Variants in DST observed in about 807,000 individuals in gnomAD.
The protein encoded by DST is dystonin, also known as bullous pemphigoid antigen.
DST carries 253 observed loss-of-function variants against 875.2 expected under a neutral mutation model. The observed-to-expected ratio is 0.29, with a 90% CI of 0.26 to 0.32. DST has a LOEUF of 0.32. DST is among the 10% of genes least tolerant of loss of function. The pLI is 1.00. For missense variants in DST, 8,287 were observed against 9,111.6 expected, an observed-to-expected ratio of 0.91 and a Z score of 3.68; for synonymous variants, 3,124 against 3,197.1, an observed-to-expected ratio of 0.98 and a Z score of 0.77.
intron 24 of DST, among the ~76,000 whole-genome samples, chr6:56,635,337 A>G (rs1312428566): frequency 6.6e-6 from 1 of 152,136 alleles, no homozygotes; most frequent in African/African-American, 2.4e-5. Flanking sequence ...TGCAAAATGA[A>G]TAACTAAACA....
At chr6:56,628,603 G>C (rs536386455) in intron 32 of DST, among the ~76,000 whole-genome samples, 34 of 152,210 alleles carry the variant, frequency 2.2e-4, no homozygotes, top group African/African-American at 7.7e-4. Context: ...CTGTCTCTAT[G>C]ATTTAAAAAA....
At chr6:56,620,685 C>T in intron 36 of DST, 1 of 1,614,090 alleles carries the variant, frequency 6.2e-7, no homozygotes, top group Non-Finnish European at 8.5e-7. Flanking sequence ...GAATATGCCC[C>T]ATGTTCAGAA....
intron 78 of DST, among the ~76,000 whole-genome samples, chr6:56,502,253 A>G (rs116343365): frequency 0.025 from 3,846 of 152,226 alleles, 74 homozygotes; most frequent in Non-Finnish European, 0.043. Flanking sequence ...ATAGTTAATC[A>G]TCTTGGCTTT....
At position 56,482,197 on chromosome 6, in the gene DST, A is replaced by G; in HGVS notation, c.21403-19T>C. 1 of 1,603,524 alleles carries G rather than the reference A, an allele frequency of 6.2e-7. No individual in the cohort carries two copies. The highest frequency in any genetic ancestry group is 8.5e-7 in the Non-Finnish European group (1 of 1,172,592). On this transcript the variant is annotated intron_variant, in intron 89 of 103. Transcript: ENST00000680361. ...CCTCTGCCTAAGAGTTCACACACAC[A>G]CACACCCCAAACAAAATTCCCAAAT...
chr6:56,678,448 C>T (rs2099141092), intron 9 of DST, among the ~76,000 whole-genome samples: 1 of 152,290 alleles, frequency 6.6e-6, no homozygotes, highest in Non-Finnish European at 1.5e-5. Flanking sequence ...GAGGAAGAAA[C>T]ATAATTTTTT....
chr6:56,821,048 G>A lies in DST; in HGVS notation c.625+30349C>T, dbSNP rs199888382. On this transcript the variant is annotated intron_variant, in intron 4 of 103. Transcript: ENST00000680361. ...TAATCTGCCATGCTTCAATATGGAGGCCACCTTAAGGAGATAAAAGCTAAG... is the reference window on the plus strand; with the variant it reads ...TAATCTGCCATGCTTCAATATGGAGACCACCTTAAGGAGATAAAAGCTAAG... 7.2e-5 allele frequency among the ~76,000 whole-genome samples: 11 copies of A among 152,294 alleles called. No homozygotes were observed. The East Asian group carries it at 2.1e-3, about 29-fold the overall frequency.
Position 56,704,743 on chromosome 6 carries a change from T to C in DST, c.688-374A>G, listed in dbSNP as rs143682244. 4.6e-5 allele frequency among the ~76,000 whole-genome samples: 7 copies of C among 152,334 alleles called. No individual in the cohort carries two copies. In the East Asian group the frequency reaches 1.3e-3, roughly 29 times the overall value. On this transcript the variant is annotated intron_variant, in intron 5 of 103. Transcript: ENST00000680361. ...GAGGGTGGAGTTTTCACCCCCGCAGTTGATCTTCTACTTCTAGCCTAAAAC... is the reference window on the plus strand; with the variant it reads ...GAGGGTGGAGTTTTCACCCCCGCAGCTGATCTTCTACTTCTAGCCTAAAAC...
In DST at chr6:56,606,744, A is replaced by C; in HGVS notation, c.7884T>G (p.Leu2628=). The part of the protein sequence containing the change: ...FEDDDHDSLL[L]DGDDRDCLHP... ...GCAGGCAATCACGATCATCACCATC[A>C]AGAAGCAAAGAATCATGGTCATCAT... The change falls in exon 40 of 104, where the codon CTT becomes CTG. Residue 2628 remains leucine, a synonymous_variant. Coordinates refer to ENST00000680361, the MANE Select transcript of DST (RefSeq NM_001374736.1). 1 of 1,613,492 alleles carries C rather than the reference A, an allele frequency of 6.2e-7. No homozygotes were observed. Among genetic ancestry groups the C allele is most frequent in the Non-Finnish European group, 8.5e-7 (1 of 1,179,634 alleles).
intron 2 of DST, among the ~76,000 whole-genome samples, chr6:56,944,019 A>ACTCG (rs1818126287): frequency 1.3e-5 from 2 of 152,090 alleles, no homozygotes; most frequent in Admixed American, 1.3e-4. Context: ...CGGGCAGCTG[A>ACTCG]GGCAGGAGAA....
chr6:56,733,720 TG>T (rs2099511525), intron 5 of DST, among the ~76,000 whole-genome samples: 1 of 151,964 alleles, frequency 6.6e-6, no homozygotes, highest in Non-Finnish European at 1.5e-5. Flanking sequence ...AAAGCTAATT[TG>T]TTCAAAATTA....
chr6:56,494,158 G>T lies in DST; in HGVS notation c.20246C>A (p.Ala6749Asp). The T allele has an allele frequency of 6.2e-7, 1 of 1,603,484 alleles. No homozygotes were observed. The change falls in exon 83 of 104, where the codon GCT (alanine) becomes GAT (aspartate). Residue 6749 changes from alanine (A) to aspartate (D), a missense_variant. By Grantham distance (126) the Ala-to-Asp change is moderately radical. Around this residue, in one of 10 missense-constraint regions of DST, gnomAD observed 1,292 missense variants for 1,552.7 expected, o/e 0.83. Coordinates refer to ENST00000680361, the MANE Select transcript of DST (RefSeq NM_001374736.1). ...VHMEVCAAFEAKEETYKSLMQ... is the reference protein window; with the variant it reads ...VHMEVCAAFEDKEETYKSLMQ... ...CAGACTCTTATATGTTTCTTCTTTA[G>T]CTTCAAAGGCAGCACAGACTTCCTA...
intron 4 of DST, among the ~76,000 whole-genome samples, chr6:56,840,198 T>A (rs2099798318): frequency 6.6e-6 from 1 of 152,146 alleles, no homozygotes; most frequent in Admixed American, 6.5e-5. Context: ...AAAGCAGAAT[T>A]TCATAAGATG....
At chr6:56,618,939 C>A (rs201526616) in intron 36 of DST, 4 of 1,614,090 alleles carry the variant, frequency 2.5e-6, no homozygotes, top group Non-Finnish European at 3.4e-6. Flanking sequence ...ACTTTCTGCT[C>A]CCCGCGTCGC....
chr6:56,504,827 C>T (rs974500661), intron 77 of DST, among the ~76,000 whole-genome samples: 2 of 152,110 alleles, frequency 1.3e-5, no homozygotes, highest in South Asian at 4.2e-4. Context: ...TTCCAAGTAG[C>T]TCAGACTATA....
chr6:56,643,424 G>A (rs1194364891), intron 15 of DST, among the ~76,000 whole-genome samples: 2 of 152,068 alleles, frequency 1.3e-5, no homozygotes, highest in Non-Finnish European at 2.9e-5. Context: ...TATATGACAC[G>A]CTCCCAGTAA....
intron 4 of DST, among the ~76,000 whole-genome samples, chr6:56,765,587 CT>C (rs1286580509): frequency 6.6e-6 from 1 of 152,170 alleles, no homozygotes; most frequent in African/African-American, 2.4e-5. Flanking sequence ...TCTGGTCTGT[CT>C]TGAGGCAGAG....
chr6:56,578,635 G>T (rs1191028047), intron 50 of DST, among the ~76,000 whole-genome samples, 179 bp downstream of exon 50: 1 of 152,092 alleles, frequency 6.6e-6, no homozygotes, highest in Non-Finnish European at 1.5e-5. Context: ...CCGCCTCTAA[G>T]ATTCTAATAT....
chr6:56,606,914 C>A lies in DST; in HGVS notation c.7714G>T (p.Val2572Leu), dbSNP rs1244787672. Reference protein sequence around the residue: ...TPGGDTDNAIVSLTCATPLLD... With the variant: ...TPGGDTDNAILSLTCATPLLD... ...AATGGTGTAGCACAAGTAAGAGACA[C>A]AATGGCATTATCAGTATCACCCCCT... The change falls in exon 40 of 104, where the codon GTG becomes TTG. Residue 2572 changes from valine to leucine, a missense_variant. Transcript: ENST00000680361. 3 of 1,613,324 alleles carry A rather than the reference C, an allele frequency of 1.9e-6. No homozygotes were observed. The highest frequency in any genetic ancestry group is 2.5e-6 in the Non-Finnish European group (3 of 1,179,602).
At chr6:56,813,261 C>T (rs2153038573) in intron 4 of DST, among the ~76,000 whole-genome samples, 1 of 145,032 alleles carries the variant, frequency 6.9e-6, no homozygotes, top group African/African-American at 2.5e-5. Flanking sequence ...GGAGGGATAG[C>T]ATTAGGAGAT....
Sources: gnomAD v4.1 joint callset for allele counts (sites outside exome capture counted in the v4.1 genomes callset) on GRCh38, gnomAD v4.1.1 for gene constraint, gnomAD v4.1.1 regional missense constraint, MANE v1.5 for transcripts, NCBI Gene and HGNC (gene_info 2026-07-23, HGNC 2026-07-21) for gene names.